Variants in KCNQ5 observed in about 807,000 individuals in gnomAD.
The protein encoded by KCNQ5 is potassium voltage-gated channel subfamily KQT member 5.
A neutral mutation model predicts 98.2 loss-of-function variants in KCNQ5; 30 were observed. That is an observed-to-expected ratio of 0.31 (90% confidence interval 0.23 to 0.41). The LOEUF (loss-of-function observed/expected upper bound fraction) is 0.41. KCNQ5 is among the 10% of genes least tolerant of loss of function. The pLI is 1.00. For missense variants in KCNQ5, 835 were observed against 1,182.5 expected (o/e 0.71, Z 4.31); for synonymous variants, 458 against 449.4 (o/e 1.02, Z -0.24).
chr6:73,101,341 T>G (rs1305681527), intron 5 of KCNQ5, among the ~76,000 whole-genome samples: 1 of 151,890 alleles, frequency 6.6e-6, no homozygotes, highest in Non-Finnish European at 1.5e-5. Context: ...CTCCTATATT[T>G]AGAACACAAC....
chr6:72,817,401 T>TA (rs1207013819), intron 1 of KCNQ5, among the ~76,000 whole-genome samples: 5 of 152,168 alleles, frequency 3.3e-5, no homozygotes, highest in African/African-American at 1.2e-4. Context: ...AATTAGATTC[T>TA]AAAAATGTAA....
chr6:72,661,466 C>G (rs12374630), intron 1 of KCNQ5, among the ~76,000 whole-genome samples: 18,503 of 152,122 alleles, frequency 0.12, 1,243 homozygotes, highest in South Asian at 0.17. Flanking sequence ...AACCCACCAT[C>G]CATAATATTC....
chr6:72,673,686 C>T (rs11967199), intron 1 of KCNQ5, among the ~76,000 whole-genome samples: 2,104 of 152,166 alleles, frequency 0.014, 61 homozygotes, highest in African/African-American at 0.048. Context: ...AAAGGGTACA[C>T]CCCACTCTTC....
At chr6:72,650,919 G>T (rs545537851) in intron 1 of KCNQ5, among the ~76,000 whole-genome samples, 94 of 152,142 alleles carry the variant, frequency 6.2e-4, no homozygotes, top group Middle Eastern at 6.8e-3. Flanking sequence ...GGTCAGAGGG[G>T]GTCGTGTTTA....
chr6:73,005,136 T>C (rs1345188280), intron 2 of KCNQ5, among the ~76,000 whole-genome samples: 1 of 152,198 alleles, frequency 6.6e-6, no homozygotes, highest in African/African-American at 2.4e-5. Flanking sequence ...TGCATACAAA[T>C]TGTGCTCCAG....
At chr6:73,030,586 C>CT (rs1202665466) in intron 2 of KCNQ5, among the ~76,000 whole-genome samples, 2 of 152,170 alleles carry the variant, frequency 1.3e-5, no homozygotes, top group Non-Finnish European at 2.9e-5. Flanking sequence ...GGAAAATAAT[C>CT]ATCATAGGTA....
chr6:72,752,563 A>G (rs571031639), intron 1 of KCNQ5, among the ~76,000 whole-genome samples: 1 of 152,130 alleles, frequency 6.6e-6, no homozygotes, highest in Non-Finnish European at 1.5e-5. Flanking sequence ...ATGAGCAATC[A>G]ATCATCTTCA....
intron 1 of KCNQ5, among the ~76,000 whole-genome samples, chr6:72,886,186 A>T (rs1474405045): frequency 6.6e-6 from 1 of 152,238 alleles, no homozygotes; most frequent in Non-Finnish European, 1.5e-5. Flanking sequence ...TGTAAAATAG[A>T]CAAGTAAAAT....
Position 73,037,846 on chromosome 6 carries a change from G to A in KCNQ5, c.490-4090G>A, listed in dbSNP as rs570548136. Among the ~76,000 whole-genome samples the A allele has an allele frequency of 5.9e-5, 9 of 152,108 alleles. No individual in the cohort carries two copies. In the East Asian group the frequency reaches 1.5e-3, roughly 26 times the overall value. ...ATTCTTCTTTGTCAGCATTGTTTTAGCTATTCCAGGTCCTGTGCATTTCCA... is the reference window on the plus strand; with the variant it reads ...ATTCTTCTTTGTCAGCATTGTTTTAACTATTCCAGGTCCTGTGCATTTCCA... On this transcript the variant is annotated intron_variant, in intron 2 of 13. Coordinates refer to ENST00000370398, the MANE Select transcript of KCNQ5 (RefSeq NM_019842.4).
In KCNQ5 at chr6:73,032,631, G is replaced by A. The variant is rs1562137864; in HGVS notation, c.490-9305G>A. Among the ~76,000 whole-genome samples the A allele has an allele frequency of 3.3e-5, 5 of 152,276 alleles. No homozygotes were observed. In the South Asian group the frequency reaches 1.0e-3, roughly 32 times the overall value. On this transcript the variant is annotated intron_variant, in intron 2 of 13. Coordinates refer to ENST00000370398, the MANE Select transcript of KCNQ5 (RefSeq NM_019842.4). ...GGACATTGATCTTCGATTCTAAGTT[G>A]CACTGGTTAATTTGTGATTATTTTA...
chr6:73,114,373 T>G (rs1452886921), intron 7 of KCNQ5, among the ~76,000 whole-genome samples: 2 of 152,224 alleles, frequency 1.3e-5, no homozygotes, highest in African/African-American at 4.8e-5. Context: ...CCCAAATTGC[T>G]TCATCATTTG....
intron 2 of KCNQ5, among the ~76,000 whole-genome samples, chr6:73,014,802 C>G (rs572877514): frequency 6.6e-6 from 1 of 151,914 alleles, no homozygotes; most frequent in Non-Finnish European, 1.5e-5. Flanking sequence ...CTTTTTAATG[C>G]GGGCACATGC....
intron 3 of KCNQ5, among the ~76,000 whole-genome samples, chr6:73,049,587 A>G (rs1772122783): frequency 6.6e-6 from 1 of 152,214 alleles, no homozygotes; most frequent in African/African-American, 2.4e-5. Context: ...CGTTTAATCT[A>G]CATGTGGAGA....
At chr6:72,830,062 C>T (rs1776177945) in intron 1 of KCNQ5, among the ~76,000 whole-genome samples, 1 of 152,066 alleles carries the variant, frequency 6.6e-6, no homozygotes, top group South Asian at 2.1e-4. Context: ...AACTACAAAC[C>T]ACTGCTCAAC....
chr6:72,941,407 CCTCCCTCCCTTCT>C (rs1766254274), intron 1 of KCNQ5, among the ~76,000 whole-genome samples: 14 of 131,690 alleles, frequency 1.1e-4, no homozygotes, highest in African/African-American at 4.1e-4. Context: ...TTCCTCCTTC[CCTCCCTCCCTTCT>C]TTCCTTCCTC....
chr6:72,826,774 G>T lies in KCNQ5; in HGVS notation c.399-177134G>T, dbSNP rs2150119592. Among the ~76,000 whole-genome samples, 2 of 152,070 alleles carry T rather than the reference G, an allele frequency of 1.3e-5. 1 individual carries two copies. The highest frequency in any genetic ancestry group is 4.8e-5 in the African/African-American group (2 of 41,504). On this transcript the variant is annotated intron_variant, in intron 1 of 13. Coordinates refer to ENST00000370398, the MANE Select transcript of KCNQ5 (RefSeq NM_019842.4). ...ATTTGAAACAATATAATACATTATT[G>T]TTAACTGTAGTCCTTCCACAGTGGT...
intron 5 of KCNQ5, among the ~76,000 whole-genome samples, chr6:73,080,669 G>A (rs1173778830): frequency 2.0e-5 from 3 of 152,134 alleles, no homozygotes; most frequent in Non-Finnish European, 4.4e-5. Flanking sequence ...GAAGTATCCA[G>A]AATAAATAGG....
intron 3 of KCNQ5, among the ~76,000 whole-genome samples, chr6:73,063,652 T>TGATA (rs1263608684): frequency 1.5e-5 from 2 of 133,092 alleles, no homozygotes; most frequent in African/African-American, 5.5e-5. Flanking sequence ...TACAGATAGA[T>TGATA]GATAGATAGA....
At chr6:72,930,318 A>G (rs1417841819) in intron 1 of KCNQ5, among the ~76,000 whole-genome samples, 10 of 152,172 alleles carry the variant, frequency 6.6e-5, no homozygotes, top group African/African-American at 2.4e-4. Context: ...AGGAGCAACT[A>G]TGTCTTATTA....
Sources: gnomAD v4.1 joint callset for allele counts (sites outside exome capture counted in the v4.1 genomes callset) on GRCh38, gnomAD v4.1.1 for gene constraint, MANE v1.5 for transcripts, NCBI Gene and HGNC (gene_info 2026-07-23, HGNC 2026-07-21) for gene names.